The following CSF2RA variants were observed in gnomAD, a reference collection of about 807,000 sequenced individuals.
The protein encoded by CSF2RA is granulocyte-macrophage colony-stimulating factor receptor subunit alpha.
CSF2RA carries 42 observed loss-of-function variants against 51.6 expected under a neutral mutation model. The ratio of observed to expected loss-of-function variants is 0.81; its 90% confidence interval spans 0.64 to 1.05. The LOEUF (loss-of-function observed/expected upper bound fraction) is 1.05. Ranked by LOEUF, CSF2RA falls within the 50% of genes least tolerant of loss-of-function variation. The pLI is 0.00. For missense variants in CSF2RA, 530 were observed against 501.1 expected (o/e 1.06, Z -0.55); for synonymous variants, 222 against 193.0 (o/e 1.15, Z -1.24).
In CSF2RA at chrX:1,282,753, C is replaced by T; in HGVS notation, c.50C>T (p.Ala17Val). ...CTGCTCTGTGAGTTACCACACCCAGCATTCCTCCTGATCCCAGAGAAATCG... is the reference window on the plus strand; with the variant it reads ...CTGCTCTGTGAGTTACCACACCCAGTATTCCTCCTGATCCCAGAGAAATCG... ...SLLLCELPHPAFLLIPEKSDL... is the reference protein window; with the variant it reads ...SLLLCELPHPVFLLIPEKSDL... The change falls in exon 3 of 13, where the codon GCA (alanine) becomes GTA (valine). Residue 17 changes from alanine to valine, a missense_variant. Transcript: ENST00000381529. 2 of 1,613,632 alleles carry T rather than the reference C, an allele frequency of 1.2e-6. No individual in the cohort carries two copies. The highest frequency in any genetic ancestry group is 1.7e-6 in the Non-Finnish European group (2 of 1,179,740).
rs2084072025 is a variant in CSF2RA at position 1,309,860 on chromosome X, C to T, written c.*381C>T. 1 of 594,744 alleles carries T rather than the reference C, an allele frequency of 1.7e-6. No individual in the cohort carries two copies. Among genetic ancestry groups the T allele is most frequent in the Admixed American group, 3.0e-5 (1 of 33,802 alleles). The allele number at this position is 594,744 out of a possible 1,614,324, so 36.8% of individuals were successfully genotyped here. A position where few individuals can be genotyped will look rare whatever the true frequency, so the allele number is the denominator to read the frequency against. On this transcript the variant is annotated 3_prime_UTR_variant, in exon 13 of 13. Coordinates refer to ENST00000381529, the MANE Select transcript of CSF2RA (RefSeq NM_172245.4). ...CCAAGATCGCACCATTGCACACCAA[C>T]CTGCGTGACAGAGCAAGATTGCATC...
intron 1 of CSF2RA, among the ~76,000 whole-genome samples, chrX:1,270,570 C>G (rs148853390): frequency 4.5e-4 from 69 of 152,014 alleles, no homozygotes; most frequent in African/African-American, 1.6e-3. Context: ...AAAACGGATT[C>G]TCACACTATG....
chrX:1,286,931 A>G (rs1200283742), intron 4 of CSF2RA, among the ~76,000 whole-genome samples: 3 of 152,008 alleles, frequency 2.0e-5, no homozygotes, highest in African/African-American at 7.2e-5. Context: ...CAGAGACAGA[A>G]GAGCGGGGAG....
At chrX:1,280,991 C>CCTTCTCCTCCTCCTT (rs2089919832) in intron 2 of CSF2RA, among the ~76,000 whole-genome samples, 50 of 116,152 alleles carry the variant, frequency 4.3e-4, no homozygotes, top group East Asian at 5.5e-4. Flanking sequence ...TCCTCCTCCT[C>CCTTCTCCTCCTCCTT]CTTCTCCTCC....
At position 1,287,989 on chromosome X, in the gene CSF2RA, G is replaced by C. The variant is rs752756013; in HGVS notation, c.220-530G>C. On this transcript the variant is annotated intron_variant, in intron 4 of 12. Coordinates refer to ENST00000381529, the MANE Select transcript of CSF2RA (RefSeq NM_172245.4). Reference sequence around the variant, plus strand: ...TGACCTCAAGTGATCCACCCGCCTTGGCCTCCCAGAGTGCTGGGATTACAG... The same window carrying C: ...TGACCTCAAGTGATCCACCCGCCTTCGCCTCCCAGAGTGCTGGGATTACAG... Among the ~76,000 whole-genome samples, 51 of 149,988 alleles carry C rather than the reference G, an allele frequency of 3.4e-4. No homozygotes were observed. The East Asian group carries it at 8.7e-3, about 26-fold the overall frequency.
rs752315463 is a variant in CSF2RA, at chrX:1,282,662, A to G, written c.-26-16A>G. The G allele has an allele frequency of 1.3e-6, 2 of 1,560,784 alleles. No homozygotes were observed. The highest frequency in any genetic ancestry group is 1.7e-4 in the Middle Eastern group (1 of 5,954). The stretch of plus-strand genomic sequence containing the variant: ...AGAGGCAACCTTCTCACTGTGTGAT[A>G]TTTTCTCTCCTGCAGCTCTTCCCTT... On this transcript the variant is annotated splice_polypyrimidine_tract_variant and intron_variant, in intron 2 of 12. Coordinates refer to ENST00000381529, the MANE Select transcript of CSF2RA (RefSeq NM_172245.4).
intron 12 of CSF2RA, among the ~76,000 whole-genome samples, chrX:1,307,582 C>T (rs1323023489): frequency 6.6e-6 from 1 of 152,090 alleles, no homozygotes; most frequent in African/African-American, 2.4e-5. Flanking sequence ...AGATGAGGCC[C>T]ACCCTTCCCC....
At chrX:1,319,781 C>A in the CSF2RA span, among the ~76,000 whole-genome samples, 385 of 145,532 alleles carry the variant, frequency 2.6e-3, no homozygotes, top group African/African-American at 9.0e-3. Flanking sequence ...GGGGCAAAAT[C>A]TTGGCTCATT....
intron 10 of CSF2RA, among the ~76,000 whole-genome samples, chrX:1,302,443 C>T (rs2083085949): frequency 6.6e-6 from 1 of 152,110 alleles, no homozygotes; most frequent in African/African-American, 2.4e-5. Context: ...CAGGGATGAT[C>T]AGAGGTGCAT....
At chrX:1,325,057 G>A in the CSF2RA span, among the ~76,000 whole-genome samples, 4 of 151,602 alleles carry the variant, frequency 2.6e-5, no homozygotes, top group South Asian at 2.1e-4. Flanking sequence ...CTGGTGCCCC[G>A]TCCTGAGTTG....
At chrX:1,301,226 G>A (rs1349092985) in intron 10 of CSF2RA, among the ~76,000 whole-genome samples, 3 of 149,862 alleles carry the variant, frequency 2.0e-5, no homozygotes, top group South Asian at 2.1e-4. Context: ...AGCTACTCAG[G>A]AGGCTGAGGG....
downstream of CSF2RA, among the ~76,000 whole-genome samples, chrX:1,313,840 C>T (rs1180237681): frequency 2.7e-5 from 4 of 150,476 alleles, no homozygotes; most frequent in African/African-American, 9.8e-5. Flanking sequence ...GATACAAAAT[C>T]TTAGCCGGGT....
At chrX:1,295,386 G>T (rs780364924) in intron 8 of CSF2RA, 41 bp from the exon 9 acceptor site, 2 of 1,613,112 alleles carry the variant, frequency 1.2e-6, no homozygotes, top group South Asian at 2.2e-5. Flanking sequence ...TTTTAGAAAT[G>T]GAAACAGTGA....
rs1316052875 is a variant in CSF2RA at position 1,269,661 on chromosome X, TGAAC to T, written c.-91+784_-91+787del. On this transcript the variant is annotated intron_variant, in intron 1 of 12. Coordinates refer to ENST00000381529, the MANE Select transcript of CSF2RA (RefSeq NM_172245.4). ...AGAAAAAAAAAGAGATGAAAAGAGATGAACGCAGAGCTGAAAGGGGGAGGGAGTG... is the reference window on the plus strand; with the variant it reads ...AGAAAAAAAAAGAGATGAAAAGAGATGCAGAGCTGAAAGGGGGAGGGAGTG... Among the ~76,000 whole-genome samples, 165 of 131,814 alleles carry T rather than the reference TGAAC, an allele frequency of 1.3e-3. 4 individuals carry two copies. Among genetic ancestry groups the T allele is most frequent in the Middle Eastern group, 3.9e-3 (1 of 254 alleles). 86.5% of individuals were successfully genotyped at this position (131,814 alleles called of 152,430 possible).
chrX:1,292,703 C>T (rs184495051), intron 7 of CSF2RA, among the ~76,000 whole-genome samples: 2,099 of 152,204 alleles, frequency 0.014, 53 homozygotes, highest in African/African-American at 0.048. Flanking sequence ...AGCCACAGGG[C>T]GGTTTTCTCC....
the CSF2RA span, among the ~76,000 whole-genome samples, chrX:1,322,170 A>G: frequency 6.6e-6 from 1 of 151,434 alleles, no homozygotes; most frequent in Non-Finnish European, 1.5e-5. Flanking sequence ...CAATGGCGCA[A>G]TCTCTGGTCA....
rs2092295394 is a variant in CSF2RA, at chrX:1,300,473, T to G, written c.811-18T>G. On this transcript the variant is annotated intron_variant, in intron 9 of 12. Transcript: ENST00000381529. ...ACACAGAAGACGCCTATCTCTAACT[T>G]TCTTTTTTCCTCCAAAGATTAATGT... The G allele has an allele frequency of 6.2e-7, 1 of 1,613,788 alleles. No homozygotes were observed. Among genetic ancestry groups the G allele is most frequent in the Non-Finnish European group, 8.5e-7 (1 of 1,179,850 alleles).
chrX:1,314,981 ATCGCACTGCACCTG>A (rs1569515174), downstream of CSF2RA, among the ~76,000 whole-genome samples: 6 of 112,508 alleles, frequency 5.3e-5, no homozygotes, highest in African/African-American at 2.0e-4. Flanking sequence ...TGCCTGCCCA[ATCGCACTGCACCTG>A]CCCAACCCCA....
At chrX:1,306,123 C>G (rs1569512176) in intron 12 of CSF2RA, among the ~76,000 whole-genome samples, 1 of 151,458 alleles carries the variant, frequency 6.6e-6, no homozygotes. Context: ...GAAATAGAGA[C>G]AAGAGACAGA....
Sources: gnomAD v4.1 joint callset for allele counts (sites outside exome capture counted in the v4.1 genomes callset) on GRCh38, gnomAD v4.1.1 for gene constraint, MANE v1.5 for transcripts, NCBI Gene and HGNC (gene_info 2026-07-23, HGNC 2026-07-21) for gene names.